Variants in LPCAT1 observed in about 807,000 individuals in gnomAD.
LPCAT1 encodes lysophosphatidylcholine acyltransferase 1, also known as 1-acylglycerol-3-phosphate O-acyltransferase.
In LPCAT1, 23 loss-of-function variants were observed where a neutral mutation model predicts 60.9. The observed-to-expected ratio is 0.38, with a 90% CI of 0.27 to 0.53. LPCAT1 has a LOEUF of 0.53. LPCAT1 is among the 20% of genes least tolerant of loss of function. The pLI is 0.82. For synonymous variants in LPCAT1, 340 were observed against 301.1 expected, an observed-to-expected ratio of 1.13 and a Z score of -1.34; for missense variants, 622 against 723.6, an observed-to-expected ratio of 0.86 and a Z score of 1.61.
chr5:1,463,962 G>A (rs955362459), intron 13 of LPCAT1, 127 bp from the exon 14 acceptor site: 10 of 926,162 alleles, frequency 1.1e-5, no homozygotes, highest in Non-Finnish European at 1.3e-5. Context: ...AGAATCGTCT[G>A]TGAAACGGAT....
At chr5:1,509,319 T>G (rs1212104803) in intron 1 of LPCAT1, among the ~76,000 whole-genome samples, 3 of 152,222 alleles carry the variant, frequency 2.0e-5, no homozygotes, top group Non-Finnish European at 2.9e-5. Context: ...TTTAATTATG[T>G]GGAAAAAATT....
chr5:1,500,969 GC>G (rs1171785030), intron 2 of LPCAT1, among the ~76,000 whole-genome samples: 1 of 152,186 alleles, frequency 6.6e-6, no homozygotes, highest in African/African-American at 2.4e-5. Flanking sequence ...TCACTGTGGT[GC>G]CCTGTCACTG....
chr5:1,464,426 C>T (rs1042239347), intron 13 of LPCAT1, among the ~76,000 whole-genome samples: 1 of 152,216 alleles, frequency 6.6e-6, no homozygotes, highest in African/African-American at 2.4e-5. Context: ...ACCTGGGCCA[C>T]CCGGCGAGAA....
chr5:1,493,927 G>A (rs185001284), intron 3 of LPCAT1, among the ~76,000 whole-genome samples: 48 of 152,390 alleles, frequency 3.1e-4, no homozygotes, highest in African/African-American at 7.9e-4. Context: ...ACTCATAGAG[G>A]AGACACTTGG....
rs1734094976 is a variant in LPCAT1 at position 1,461,603 on chromosome 5, A to C, written c.*2048T>G. The stretch of plus-strand genomic sequence containing the variant: ...GGGCCCGCTGCGTCCTGTCTCACAC[A>C]CAAGGGGTTTAACTCAACGCTATGT... On this transcript the variant is annotated 3_prime_UTR_variant, in exon 14 of 14. Transcript: ENST00000283415. 6.5e-6 allele frequency: 1 copy of C among 152,780 alleles called. No individual in the cohort carries two copies. The highest frequency in any genetic ancestry group is 2.4e-5 in the African/African-American group (1 of 41,470). The allele number at this position is 152,780 out of a possible 1,614,324, so 9.5% of individuals were successfully genotyped here.
chr5:1,502,897 TGGCCACATTTAAA>T lies in LPCAT1; in HGVS notation c.136-1307_136-1295del, dbSNP rs1736068884. Among the ~76,000 whole-genome samples, 1 of 151,988 alleles carries T rather than the reference TGGCCACATTTAAA, an allele frequency of 6.6e-6. No homozygotes were observed. The highest frequency in any genetic ancestry group is 1.5e-5 in the Non-Finnish European group (1 of 68,014). Reference sequence around the variant, plus strand: ...ACATGTGTCATTTTAAATTTTCGAGTGGCCACATTTAAAGGGAATGACAATTTAATATACAGCT... The same window carrying T: ...ACATGTGTCATTTTAAATTTTCGAGTGGGAATGACAATTTAATATACAGCT... On this transcript the variant is annotated intron_variant, in intron 1 of 13. Coordinates refer to ENST00000283415, the MANE Select transcript of LPCAT1 (RefSeq NM_024830.5). The surrounding 1 kb of genome is among the most constrained non-coding windows in gnomAD (Gnocchi z 5.5).
At position 1,473,941 on chromosome 5, in the gene LPCAT1, A is replaced by G. The variant is rs1271271415; in HGVS notation, c.1179+16T>C. On this transcript the variant is annotated intron_variant, in intron 11 of 13. Transcript: ENST00000283415. Reference sequence around the variant, plus strand: ...AGGTTTTGCCGACACCCCGCTCCGCAGGCGACAGGCCCTACCTCGTCGAAC... The same window carrying G: ...AGGTTTTGCCGACACCCCGCTCCGCGGGCGACAGGCCCTACCTCGTCGAAC... 6.2e-7 allele frequency: 1 copy of G among 1,608,020 alleles called. No individual in the cohort carries two copies. Among genetic ancestry groups the G allele is most frequent in the South Asian group, 1.1e-5 (1 of 90,174 alleles).
intron 1 of LPCAT1, among the ~76,000 whole-genome samples, chr5:1,503,434 G>C (rs1334698254): frequency 6.6e-6 from 1 of 152,220 alleles, no homozygotes; most frequent in Non-Finnish European, 1.5e-5. Flanking sequence ...TCTGTGGGGA[G>C]AGCCACGTGC....
chr5:1,505,341 G>A (rs1340328277), intron 1 of LPCAT1, among the ~76,000 whole-genome samples: 2 of 152,002 alleles, frequency 1.3e-5, no homozygotes, highest in African/African-American at 4.8e-5. Context: ...AGTAACCCAC[G>A]GTGTTCCTGA....
intron 1 of LPCAT1, among the ~76,000 whole-genome samples, chr5:1,516,632 C>CTT (rs56874119): frequency 4.8e-5 from 7 of 146,964 alleles, no homozygotes; most frequent in African/African-American, 1.5e-4. Flanking sequence ...TCTTTCTTTC[C>CTT]TTTTTTTTTT....
Position 1,484,670 on chromosome 5 carries a change from G to A in LPCAT1, c.668-1184C>T, listed in dbSNP as rs182653692. On this transcript the variant is annotated intron_variant, in intron 5 of 13. Transcript: ENST00000283415. The stretch of plus-strand genomic sequence containing the variant: ...TCCCTAGGGCCAATTCTCCCTTCAC[G>A]GTGGCCTGAGGCCAGAGGCCCGTGT... 2.1e-3 allele frequency among the ~76,000 whole-genome samples: 314 copies of A among 152,322 alleles called. 1 individual carries two copies. The highest frequency in any genetic ancestry group is 7.1e-3 in the African/African-American group (296 of 41,566).
rs1484463802 is a variant in LPCAT1 at position 1,502,896 on chromosome 5, G to A, written c.136-1293C>T. ...CACATGTGTCATTTTAAATTTTCGAGTGGCCACATTTAAAGGGAATGACAA... is the reference window on the plus strand; with the variant it reads ...CACATGTGTCATTTTAAATTTTCGAATGGCCACATTTAAAGGGAATGACAA... On this transcript the variant is annotated intron_variant, in intron 1 of 13. Coordinates refer to ENST00000283415, the MANE Select transcript of LPCAT1 (RefSeq NM_024830.5). The surrounding 1 kb of genome is among the most constrained non-coding windows in gnomAD (Gnocchi z 5.5). 2.0e-5 allele frequency among the ~76,000 whole-genome samples: 3 copies of A among 152,064 alleles called. No homozygotes were observed. Among genetic ancestry groups the A allele is most frequent in the African/African-American group, 4.8e-5 (2 of 41,356 alleles).
At chr5:1,520,756 G>A (rs1449067904) in intron 1 of LPCAT1, among the ~76,000 whole-genome samples, 2 of 151,322 alleles carry the variant, frequency 1.3e-5, no homozygotes, top group Non-Finnish European at 3.0e-5. Context: ...CCAGCTACTC[G>A]GGAGGCTGAG....
At chr5:1,516,306 C>T (rs1234738312) in intron 1 of LPCAT1, among the ~76,000 whole-genome samples, 1 of 152,214 alleles carries the variant, frequency 6.6e-6, no homozygotes, top group African/African-American at 2.4e-5. Flanking sequence ...GCATGGGACC[C>T]AGGAGGATGT....
rs1681688199 is a variant in LPCAT1, at chr5:1,523,852, C to T, written c.-8G>A. 4 of 1,055,340 alleles carry T rather than the reference C, an allele frequency of 3.8e-6. No homozygotes were observed. The highest frequency in any genetic ancestry group is 3.4e-6 in the Non-Finnish European group (3 of 876,346). The allele number at this position is 1,055,340 out of a possible 1,614,324, so 65.4% of individuals were successfully genotyped here. On this transcript the variant is annotated 5_prime_UTR_variant, in exon 1 of 14. Coordinates refer to ENST00000283415, the MANE Select transcript of LPCAT1 (RefSeq NM_024830.5). The surrounding 1 kb of genome is among the most constrained non-coding windows in gnomAD (Gnocchi z 7.1). ...GCATCCCCGCAGCCTCATGGCCGCGCCGTCCCGCGGCGAGCGCAGCCGAGC... is the reference window on the plus strand; with the variant it reads ...GCATCCCCGCAGCCTCATGGCCGCGTCGTCCCGCGGCGAGCGCAGCCGAGC...
chr5:1,481,888 G>C lies in LPCAT1; in HGVS notation c.727-912C>G, dbSNP rs1174448490. On this transcript the variant is annotated intron_variant, in intron 6 of 13. Coordinates refer to ENST00000283415, the MANE Select transcript of LPCAT1 (RefSeq NM_024830.5). This position sits in a 1 kb window ranked among gnomAD's most constrained non-coding sequence, Gnocchi z 7.8. ...CCTGACCGTCAGCTCTCCGGGCAAAGTGAAGCCCGGCAGGCATCGGACGGG... is the reference window on the plus strand; with the variant it reads ...CCTGACCGTCAGCTCTCCGGGCAAACTGAAGCCCGGCAGGCATCGGACGGG... Among the ~76,000 whole-genome samples, 17 of 152,272 alleles carry C rather than the reference G, an allele frequency of 1.1e-4. No individual in the cohort carries two copies. The highest frequency in any genetic ancestry group is 1.1e-3 in the Admixed American group (17 of 15,282).
At chr5:1,470,588 G>A (rs1483002209) in intron 12 of LPCAT1, among the ~76,000 whole-genome samples, 1 of 152,240 alleles carries the variant, frequency 6.6e-6, no homozygotes, top group Non-Finnish European at 1.5e-5. Flanking sequence ...CCAGGACCCA[G>A]GAAGAACCTC....
At position 1,483,436 on chromosome 5, in the gene LPCAT1, T is replaced by G; in HGVS notation, c.718A>C (p.Asn240His). 6.2e-7 allele frequency: 1 copy of G among 1,613,786 alleles called. No individual in the cohort carries two copies. The highest frequency in any genetic ancestry group is 8.5e-7 in the Non-Finnish European group (1 of 1,180,034). Reference protein sequence around the residue: ...PVQPVVLRYPNKLDTITWTWQ... With the variant: ...PVQPVVLRYPHKLDTITWTWQ... ...AAAAAAACACAACTCACCAGTTTAT[T>G]TGGATATCGTAAAACCACAGGCTGG... is the stretch of plus-strand genomic sequence containing the variant. Residue 240 changes from asparagine (N) to histidine (H), a missense_variant, in exon 6 of 14, where the codon AAT becomes CAT. Asn to His is a moderately conservative substitution (Grantham distance 68). This residue lies in a region of LPCAT1 where 209 missense variants were observed against 325.5 expected (regional missense o/e 0.64). Transcript: ENST00000283415. This position sits in a 1 kb window ranked among gnomAD's most constrained non-coding sequence, Gnocchi z 9.2.
At position 1,461,762 on chromosome 5, in the gene LPCAT1, C is replaced by A. The variant is rs998640489; in HGVS notation, c.*1889G>T. 6.6e-6 allele frequency: 1 copy of A among 152,622 alleles called. No homozygotes were observed. Among genetic ancestry groups the A allele is most frequent in the East Asian group, 1.9e-4 (1 of 5,206 alleles). 9.5% of individuals were successfully genotyped at this position (152,622 alleles called of 1,614,324 possible). On this transcript the variant is annotated 3_prime_UTR_variant, in exon 14 of 14. Coordinates refer to ENST00000283415, the MANE Select transcript of LPCAT1 (RefSeq NM_024830.5). ...TGAAAATGCACAGTGGCATTTCATT[C>A]AAAAAACCCTTCATCTGCAGACCTG... is the stretch of plus-strand genomic sequence containing the variant.
Sources: allele counts gnomAD v4.1 joint callset (sites outside exome capture counted in the v4.1 genomes callset), GRCh38; gene constraint gnomAD v4.1.1; regional missense constraint gnomAD v4.1.1; non-coding constraint Gnocchi (gnomAD v3.1); transcripts MANE v1.5; gene names NCBI Gene and HGNC (gene_info 2026-07-23, HGNC 2026-07-21).